Variants in BABAM2 observed in about 807,000 individuals in gnomAD.
BABAM2 encodes BRISC and BRCA1 A complex member 2, also known as BRISC and BRCA1-A complex member 2.
Under a neutral mutation model 54.7 loss-of-function variants are expected in BABAM2, and 31 were observed. That is an observed-to-expected ratio of 0.57 (90% CI 0.43 to 0.77). The LOEUF is 0.77. BABAM2 is among the 30% of genes least tolerant of loss of function. The pLI, the probability that BABAM2 is intolerant of heterozygous loss-of-function variation, is 0.00. For synonymous variants in BABAM2, 167 were observed against 162.9 expected (o/e 1.03, Z -0.19); for missense variants, 364 against 455.8 (o/e 0.80, Z 1.83).
intron 6 of BABAM2, among the ~76,000 whole-genome samples, chr2:28,086,532 G>T (rs1005217771): frequency 6.6e-6 from 1 of 152,076 alleles, no homozygotes; most frequent in Non-Finnish European, 1.5e-5. Context: ...GTTTTTTTGC[G>T]TCTAACCTAG....
intron 3 of BABAM2, among the ~76,000 whole-genome samples, chr2:27,948,490 G>T (rs1339989662): frequency 6.6e-6 from 1 of 152,218 alleles, no homozygotes; most frequent in Non-Finnish European, 1.5e-5. Flanking sequence ...AAGTGTTAAG[G>T]CTGGGTGTGG....
At chr2:28,276,792 G>C (rs933361505) in intron 10 of BABAM2, among the ~76,000 whole-genome samples, 1 of 152,170 alleles carries the variant, frequency 6.6e-6, no homozygotes, top group African/African-American at 2.4e-5. Context: ...GCTTGCAAAG[G>C]CTTCATCTCC....
intron 10 of BABAM2, among the ~76,000 whole-genome samples, chr2:28,280,703 T>A (rs560235659): frequency 6.6e-6 from 1 of 152,332 alleles, no homozygotes; most frequent in Non-Finnish European, 1.5e-5. Context: ...TTCTCTTCTA[T>A]GAGCTAAGGT....
Position 28,307,058 on chromosome 2 carries a change from G to A in BABAM2, c.1088+8567G>A, listed in dbSNP as rs187435288. 5.7e-3 allele frequency among the ~76,000 whole-genome samples: 719 copies of A among 125,754 alleles called. 8 individuals carry two copies. Among genetic ancestry groups the A allele is most frequent in the South Asian group, 0.05 (188 of 3,738 alleles). The allele number at this position is 125,754 out of a possible 152,430, so 82.5% of individuals were successfully genotyped here. On this transcript the variant is annotated intron_variant, in intron 11 of 11. Transcript: ENST00000379624. ...GTCTTATTCTGTCACCCAGGCTGGAGTGCAGTGGCGTGATCTCGGCTCACT... is the reference window on the plus strand; with the variant it reads ...GTCTTATTCTGTCACCCAGGCTGGAATGCAGTGGCGTGATCTCGGCTCACT...
chr2:27,935,709 C>A (rs556132562), intron 3 of BABAM2, among the ~76,000 whole-genome samples: 1 of 152,148 alleles, frequency 6.6e-6, no homozygotes, highest in Non-Finnish European at 1.5e-5. Flanking sequence ...AGGGAAAAGT[C>A]GATTAATGTG....
At chr2:28,208,061 G>A (rs959112582) in intron 7 of BABAM2, among the ~76,000 whole-genome samples, 3 of 143,424 alleles carry the variant, frequency 2.1e-5, no homozygotes, top group South Asian at 2.2e-4. Flanking sequence ...GTGTGTGTGT[G>A]TGTGTACACA....
chr2:28,141,761 T>A (rs1342686092), intron 7 of BABAM2, among the ~76,000 whole-genome samples: 2 of 152,174 alleles, frequency 1.3e-5, no homozygotes, highest in African/African-American at 4.8e-5. Context: ...CATATCAGTA[T>A]GTTTCCATCT....
intron 7 of BABAM2, among the ~76,000 whole-genome samples, chr2:28,193,590 G>C (rs1677178274): frequency 6.6e-6 from 1 of 152,168 alleles, no homozygotes; most frequent in Admixed American, 6.5e-5. Flanking sequence ...TGTTATTTCT[G>C]TTGTTCTCCT....
chr2:27,949,643 T>C (rs1326447675), intron 3 of BABAM2, among the ~76,000 whole-genome samples: 4 of 152,208 alleles, frequency 2.6e-5, no homozygotes, highest in African/African-American at 9.7e-5. Context: ...CTAAAAGAAC[T>C]GGGGATGGAA....
rs555278073 is a variant in BABAM2 at position 28,168,550 on chromosome 2, A to G, written c.680+39170A>G. Among the ~76,000 whole-genome samples the G allele has an allele frequency of 9.2e-5, 14 of 152,242 alleles. No individual in the cohort carries two copies. In the South Asian group the frequency reaches 2.7e-3, roughly 29 times the overall value. ...AAATTCTCCTCCCTTTTGAAGTTTG[A>G]AAGGCGAGGGGCATATAAAAAGGAA... On this transcript the variant is annotated intron_variant, in intron 7 of 11. Coordinates refer to ENST00000379624, the MANE Select transcript of BABAM2 (RefSeq NM_199191.3).
rs565877335 is a variant in BABAM2 at position 27,900,904 on chromosome 2, A to G, written c.128+6220A>G. Among the ~76,000 whole-genome samples the G allele has an allele frequency of 2.4e-3, 366 of 151,988 alleles. 1 individual carries two copies. Among genetic ancestry groups the G allele is most frequent in the African/African-American group, 8.6e-3 (358 of 41,436 alleles). ...TAAAAATACAAAAAATTAGCCGGGCATGGTAGCGGGTGCCTATAGTCCCAG... is the reference window on the plus strand; with the variant it reads ...TAAAAATACAAAAAATTAGCCGGGCGTGGTAGCGGGTGCCTATAGTCCCAG... On this transcript the variant is annotated intron_variant, in intron 2 of 11. Transcript: ENST00000379624.
At chr2:28,004,882 T>C (rs1673847763) in intron 4 of BABAM2, among the ~76,000 whole-genome samples, 1 of 152,152 alleles carries the variant, frequency 6.6e-6, no homozygotes, top group African/African-American at 2.4e-5. Flanking sequence ...ATTTTAGTAA[T>C]TTGAAGATGT....
intron 4 of BABAM2, among the ~76,000 whole-genome samples, chr2:27,997,255 G>A (rs1673222125): frequency 6.8e-6 from 1 of 148,010 alleles, no homozygotes; most frequent in Non-Finnish European, 1.5e-5. Flanking sequence ...GGCATCTCTG[G>A]TTCTCTTGAG....
In BABAM2 at chr2:27,960,266, G is replaced by A. The variant is rs530874216; in HGVS notation, c.206-27727G>A. The stretch of plus-strand genomic sequence containing the variant: ...TGATTTTCACAAAGTTTGTGAAGGC[G>A]GGTGGAGTTTTGCACAGACTTCCAA... On this transcript the variant is annotated intron_variant, in intron 3 of 11. Coordinates refer to ENST00000379624, the MANE Select transcript of BABAM2 (RefSeq NM_199191.3). 1.1e-4 allele frequency among the ~76,000 whole-genome samples: 16 copies of A among 152,240 alleles called. No homozygotes were observed. In the East Asian group the frequency reaches 3.1e-3, roughly 29 times the overall value.
intron 7 of BABAM2, among the ~76,000 whole-genome samples, chr2:28,160,729 T>C (rs920554076): frequency 2.2e-5 from 3 of 139,044 alleles, no homozygotes; most frequent in African/African-American, 8.1e-5. Flanking sequence ...AAGGAACATA[T>C]AAATTGTTTT....
chr2:28,302,099 C>A (rs1346910094), intron 11 of BABAM2, among the ~76,000 whole-genome samples: 1 of 152,104 alleles, frequency 6.6e-6, no homozygotes, highest in Non-Finnish European at 1.5e-5. Flanking sequence ...ATCTTCATTT[C>A]ATTCAACATA....
At chr2:27,899,063 A>C (rs572140058) in intron 2 of BABAM2, among the ~76,000 whole-genome samples, 21 of 152,240 alleles carry the variant, frequency 1.4e-4, no homozygotes, top group Non-Finnish European at 2.5e-4. Flanking sequence ...CAGGAGTTTG[A>C]GACCAGCCTA....
intron 7 of BABAM2, among the ~76,000 whole-genome samples, chr2:28,195,404 G>A (rs1677410439): frequency 2.0e-5 from 3 of 152,144 alleles, no homozygotes; most frequent in Non-Finnish European, 1.5e-5. Flanking sequence ...TCCCCCAGGT[G>A]TCAAGATAGT....
At position 28,223,642 on chromosome 2, in the gene BABAM2, A is replaced by C. The variant is rs138436855; in HGVS notation, c.681-13560A>C. On this transcript the variant is annotated intron_variant, in intron 7 of 11. Coordinates refer to ENST00000379624, the MANE Select transcript of BABAM2 (RefSeq NM_199191.3). ...ATGGGCAACTGGAATGACACCAATA[A>C]CTCGGCTCTTCAAGGTAGAACTGGG... 3.3e-5 allele frequency among the ~76,000 whole-genome samples: 5 copies of C among 152,246 alleles called. No individual in the cohort carries two copies. The East Asian group carries it at 9.6e-4, about 29-fold the overall frequency.
Sources: allele counts gnomAD v4.1 joint callset (sites outside exome capture counted in the v4.1 genomes callset), GRCh38; gene constraint gnomAD v4.1.1; transcripts MANE v1.5; gene names NCBI Gene and HGNC (gene_info 2026-07-23, HGNC 2026-07-21).